Variants in SPAG6 observed in about 807,000 individuals in gnomAD.
SPAG6 encodes the protein sperm associated antigen 6.
A neutral mutation model predicts 58.5 loss-of-function variants in SPAG6; 49 were observed. That is an observed-to-expected ratio of 0.84 (90% CI 0.67 to 1.06). The LOEUF is 1.06. Among genes scored for constraint, SPAG6 ranks in the 50% least tolerant of loss-of-function variants. SPAG6 has a pLI of 0.00. For missense variants in SPAG6, 560 were observed against 611.3 expected (o/e 0.92, Z 0.89); for synonymous variants, 233 against 225.6 (o/e 1.03, Z -0.29).
chr10:22,360,933 G>A, intron 2 of SPAG6: 2 of 825,170 alleles, frequency 2.4e-6, no homozygotes, highest in South Asian at 3.0e-5. Context: ...TTTTTATGCA[G>A]TTTCCTTGCA....
At chr10:22,356,604 T>A (rs566365290) in intron 2 of SPAG6, among the ~76,000 whole-genome samples, 1 of 152,366 alleles carries the variant, frequency 6.6e-6, no homozygotes, top group Admixed American at 6.5e-5. Context: ...AGTATGAATT[T>A]ATTGAGGCTT....
intron 9 of SPAG6, 136 bp downstream of exon 9, chr10:22,401,413 G>A (rs1318082920): frequency 3.2e-6 from 2 of 618,836 alleles, no homozygotes; most frequent in Non-Finnish European, 5.7e-6. Context: ...AATCTGTATG[G>A]ACAGAGAAGT....
Position 22,364,916 on chromosome 10 carries a change from C to G in SPAG6, c.185C>G (p.Ala62Gly). The change falls in exon 3 of 11, where the codon GCT (alanine) becomes GGT (glycine). Residue 62 changes from alanine to glycine, a missense_variant. Transcript: ENST00000376624. Reference sequence around the variant, plus strand: ...GTCCCAACAATTCAACAGACTGCTGCTTTGGCTCTTGGGAGACTGGCCAAT... The same window carrying G: ...GTCCCAACAATTCAACAGACTGCTGGTTTGGCTCTTGGGAGACTGGCCAAT... ...DVVPTIQQTA[A>G]LALGRLANYN... 6.2e-7 allele frequency: 1 copy of G among 1,613,482 alleles called. No individual in the cohort carries two copies. The highest frequency in any genetic ancestry group is 8.5e-7 in the Non-Finnish European group (1 of 1,179,544).
In SPAG6 at chr10:22,347,005, G is replaced by A. The variant is rs997736893; in HGVS notation, c.121+1187G>A. 1.1e-4 allele frequency among the ~76,000 whole-genome samples: 16 copies of A among 152,182 alleles called. 1 individual carries two copies. Among genetic ancestry groups the A allele is most frequent in the African/African-American group, 3.4e-4 (14 of 41,532 alleles). On this transcript the variant is annotated intron_variant, in intron 2 of 10. Transcript: ENST00000376624. ...AGGACATTGACATTGATAAAAATTC[G>A]TTGATCTTATATAGGTTTCCTCCTT...
intron 7 of SPAG6, 32 bp downstream of exon 7, chr10:22,389,344 A>G (rs770934469): frequency 1.6e-5 from 25 of 1,599,182 alleles, no homozygotes; most frequent in Non-Finnish European, 2.1e-5. Flanking sequence ...TTCCAGTTGC[A>G]GTAAGAAATT....
At chr10:22,397,568 G>A (rs1046942567) in intron 8 of SPAG6, among the ~76,000 whole-genome samples, 3 of 152,090 alleles carry the variant, frequency 2.0e-5, no homozygotes, top group Non-Finnish European at 4.4e-5. Flanking sequence ...CACCTGCCTC[G>A]GCCTCCCAAA....
chr10:22,388,232 G>A lies in SPAG6; in HGVS notation c.852+236G>A, dbSNP rs151090193. 3.7e-3 allele frequency among the ~76,000 whole-genome samples: 557 copies of A among 151,930 alleles called. 4 individuals are homozygous for A. Among genetic ancestry groups the A allele is most frequent in the African/African-American group, 0.013 (539 of 41,420 alleles). On this transcript the variant is annotated intron_variant, in intron 6 of 10. Transcript: ENST00000376624. ...AACCTCTGCCCACTAGATGCCAAAAGCACCCTTCTCCCGCAAGTGGTGACA... is the reference window on the plus strand; with the variant it reads ...AACCTCTGCCCACTAGATGCCAAAAACACCCTTCTCCCGCAAGTGGTGACA...
chr10:22,366,151 G>A (rs80023855), intron 3 of SPAG6, among the ~76,000 whole-genome samples: 26 of 152,158 alleles, frequency 1.7e-4, no homozygotes, highest in African/African-American at 6.3e-4. Flanking sequence ...TAGCCAAAAG[G>A]TGAAAGCAAC....
intron 2 of SPAG6, among the ~76,000 whole-genome samples, chr10:22,348,768 A>G (rs950734070): frequency 2.0e-5 from 3 of 152,246 alleles, no homozygotes; most frequent in Non-Finnish European, 4.4e-5. Context: ...AGTAATTGCC[A>G]AAGCAGACAA....
chr10:22,391,123 T>C (rs975672704), intron 7 of SPAG6, among the ~76,000 whole-genome samples: 13 of 152,354 alleles, frequency 8.5e-5, no homozygotes, highest in Admixed American at 4.6e-4. Context: ...GCATGTGCTG[T>C]GTAACAAAAG....
chr10:22,346,532 C>G (rs977188644), intron 2 of SPAG6, among the ~76,000 whole-genome samples: 3 of 127,574 alleles, frequency 2.4e-5, no homozygotes, highest in Admixed American at 1.7e-4. Flanking sequence ...TTCTTCTTTT[C>G]TTCTTTCTTC....
At chr10:22,385,251 G>T (rs1437033054) in intron 4 of SPAG6, among the ~76,000 whole-genome samples, 1 of 152,104 alleles carries the variant, frequency 6.6e-6, no homozygotes, top group East Asian at 1.9e-4. Context: ...GTGACCACCT[G>T]TGTCACCTGC....
chr10:22,415,631 C>T (rs1479416654), intron 10 of SPAG6, among the ~76,000 whole-genome samples: 3 of 152,008 alleles, frequency 2.0e-5, no homozygotes, highest in African/African-American at 7.3e-5. Context: ...TTTTGGTCCA[C>T]CTTAGCTTGA....
At chr10:22,350,845 A>G (rs1413614346) in intron 2 of SPAG6, among the ~76,000 whole-genome samples, 2 of 152,196 alleles carry the variant, frequency 1.3e-5, no homozygotes, top group East Asian at 1.9e-4. Flanking sequence ...AAATTATTAA[A>G]TAGGATGAAG....
At chr10:22,354,435 C>T (rs1047377909) in intron 2 of SPAG6, among the ~76,000 whole-genome samples, 1 of 152,060 alleles carries the variant, frequency 6.6e-6, no homozygotes, top group Non-Finnish European at 1.5e-5. Flanking sequence ...GTGGTTGAAG[C>T]GTGTCTGAGA....
At chr10:22,362,238 TC>T (rs542921679) in intron 2 of SPAG6, among the ~76,000 whole-genome samples, 177 of 147,788 alleles carry the variant, frequency 1.2e-3, no homozygotes, top group African/African-American at 3.7e-3. Context: ...TCTATATATT[TC>T]CCCCCCAAAA....
intron 8 of SPAG6, among the ~76,000 whole-genome samples, chr10:22,396,969 T>A (rs919435444): frequency 9.2e-5 from 14 of 152,212 alleles, no homozygotes; most frequent in African/African-American, 3.4e-4. Context: ...TTATAATCTG[T>A]TATTCATTAG....
intron 4 of SPAG6, among the ~76,000 whole-genome samples, chr10:22,379,278 CA>C (rs1833895566): frequency 6.6e-6 from 1 of 152,140 alleles, no homozygotes; most frequent in African/African-American, 2.4e-5. Context: ...TGGTGTAGAA[CA>C]AAGCTTTTTG....
intron 2 of SPAG6, chr10:22,359,397 G>A (rs1054312388): frequency 2.9e-6 from 1 of 340,252 alleles, no homozygotes; most frequent in Non-Finnish European, 4.2e-6. Flanking sequence ...ATAAATTTAT[G>A]ATTTTTTTTT....
Sources: gnomAD v4.1 joint callset for allele counts (sites outside exome capture counted in the v4.1 genomes callset) on GRCh38, gnomAD v4.1.1 for gene constraint, MANE v1.5 for transcripts, NCBI Gene and HGNC (gene_info 2026-07-23, HGNC 2026-07-21) for gene names.